The following FBN1 variants were observed in gnomAD, a reference collection of about 807,000 sequenced individuals.
FBN1 encodes the protein fibrillin 1.
FBN1 carries 29 observed loss-of-function variants against 365.1 expected under a neutral mutation model. That is an observed-to-expected ratio of 0.08 (90% CI 0.06 to 0.11). FBN1 has a LOEUF of 0.11. Among genes scored for constraint, FBN1 ranks in the 10% least tolerant of loss-of-function variants. The pLI, the probability that FBN1 is intolerant of heterozygous loss-of-function variation, is 1.00. For missense variants in FBN1, 2,476 were observed against 3,703.2 expected (o/e 0.67, Z 8.60); for synonymous variants, 1,210 against 1,270.5 (o/e 0.95, Z 1.01).
chr15:48,616,283 A>T (rs1566938848), intron 2 of FBN1, among the ~76,000 whole-genome samples: 1 of 152,220 alleles, frequency 6.6e-6, no homozygotes. Flanking sequence ...AATACCTTCA[A>T]ATGACAATGA....
chr15:48,582,880 T>A (rs16961194), intron 6 of FBN1, among the ~76,000 whole-genome samples: 1 of 152,154 alleles, frequency 6.6e-6, no homozygotes, highest in African/African-American at 2.4e-5. Flanking sequence ...TTGAAGGGCA[T>A]TGGAAACCTA....
intron 6 of FBN1, among the ~76,000 whole-genome samples, chr15:48,553,099 C>T (rs937925332): frequency 6.6e-6 from 1 of 152,210 alleles, no homozygotes; most frequent in Non-Finnish European, 1.5e-5. Context: ...CCAGTTCTCA[C>T]TTGTAAGATA....
At chr15:48,435,138 G>A (rs1207340517) in intron 53 of FBN1, among the ~76,000 whole-genome samples, 1 of 152,106 alleles carries the variant, frequency 6.6e-6, no homozygotes, top group Non-Finnish European at 1.5e-5. Flanking sequence ...TTGCAAAAAG[G>A]GAGTGTGCAT....
intron 8 of FBN1, among the ~76,000 whole-genome samples, chr15:48,527,049 C>A (rs2043920879): frequency 6.6e-6 from 1 of 152,226 alleles, no homozygotes; most frequent in Non-Finnish European, 1.5e-5. Flanking sequence ...ACTGAAGGCC[C>A]CTCCGATTCC....
At chr15:48,517,624 T>C (rs1267461200) in intron 10 of FBN1, among the ~76,000 whole-genome samples, 5 of 152,254 alleles carry the variant, frequency 3.3e-5, no homozygotes. Flanking sequence ...TTTTAAGCAG[T>C]ATCCAGGTTT....
chr15:48,465,469 C>A, intron 40 of FBN1, 99 bp downstream of exon 40: 1 of 1,411,962 alleles, frequency 7.1e-7, no homozygotes, highest in Admixed American at 1.7e-5. Flanking sequence ...GAACATTGTG[C>A]TACACTGCTA....
chr15:48,597,028 C>T (rs1289732172), intron 5 of FBN1, among the ~76,000 whole-genome samples: 1 of 152,210 alleles, frequency 6.6e-6, no homozygotes, highest in Non-Finnish European at 1.5e-5. Context: ...GTAACTCGTG[C>T]ATGCATGGGC....
chr15:48,600,902 T>C (rs1424502350), intron 4 of FBN1, among the ~76,000 whole-genome samples: 1 of 152,134 alleles, frequency 6.6e-6, no homozygotes, highest in Non-Finnish European at 1.5e-5. Flanking sequence ...AGATTTAGAA[T>C]CCCAGGTAGA....
At chr15:48,420,890 T>A in intron 62 of FBN1, 84 bp from the exon 63 acceptor site, 1 of 1,427,994 alleles carries the variant, frequency 7.0e-7, no homozygotes, top group East Asian at 2.3e-5. Flanking sequence ...ATCTGGCCCC[T>A]ACACATCCTA....
chr15:48,525,404 A>G (rs2043902066), intron 9 of FBN1, among the ~76,000 whole-genome samples: 1 of 152,140 alleles, frequency 6.6e-6, no homozygotes, highest in Admixed American at 6.5e-5. Context: ...TCTATTTTTT[A>G]AACAATAGAA....
rs73396380 is a variant in FBN1 at position 48,639,622 on chromosome 15, T to C, written c.164+4984A>G. On this transcript the variant is annotated intron_variant, in intron 2 of 65. Coordinates refer to ENST00000316623, the MANE Select transcript of FBN1 (RefSeq NM_000138.5). ...TGATGAGTTAGTGGTAAAATGCTTATAATAGGATTCTTGTCTTCAATGATT... is the reference window on the plus strand; with the variant it reads ...TGATGAGTTAGTGGTAAAATGCTTACAATAGGATTCTTGTCTTCAATGATT... Among the ~76,000 whole-genome samples the C allele has an allele frequency of 7.0e-3, 1,059 of 152,288 alleles. 11 individuals carry two copies. The highest frequency in any genetic ancestry group is 0.025 in the African/African-American group (1,024 of 41,560).
intron 65 of FBN1, 117 bp from the exon 66 acceptor site, chr15:48,411,496 A>G: frequency 1.1e-6 from 1 of 897,734 alleles, no homozygotes; most frequent in South Asian, 1.4e-5. Flanking sequence ...TATGCTGCAT[A>G]CACAATATTG....
chr15:48,566,281 A>C (rs1286890864), intron 6 of FBN1, among the ~76,000 whole-genome samples: 6 of 152,256 alleles, frequency 3.9e-5, no homozygotes, highest in African/African-American at 1.4e-4. Flanking sequence ...TCAGTAAATA[A>C]AATGAAATAT....
At chr15:48,579,120 T>G (rs560182202) in intron 6 of FBN1, among the ~76,000 whole-genome samples, 1 of 151,712 alleles carries the variant, frequency 6.6e-6, no homozygotes, top group African/African-American at 2.4e-5. Context: ...AGCACAGCTT[T>G]GAAAGGAGGG....
intron 43 of FBN1, among the ~76,000 whole-genome samples, chr15:48,457,399 A>C (rs1004173527): frequency 3.3e-5 from 5 of 152,296 alleles, no homozygotes; most frequent in African/African-American, 1.2e-4. Flanking sequence ...AGCACTCTAC[A>C]TGACAGGTAG....
At chr15:48,412,785 G>A (rs759369871) in intron 64 of FBN1, 42 bp from the exon 65 acceptor site, 18 of 1,610,414 alleles carry the variant, frequency 1.1e-5, no homozygotes, top group East Asian at 2.2e-5. Context: ...ATTAGAATGG[G>A]AAGACAAGGT....
Position 48,598,409 on chromosome 15 carries a change from G to A in FBN1, c.442+1730C>T, listed in dbSNP as rs539521522. Among the ~76,000 whole-genome samples, 15 of 152,340 alleles carry A rather than the reference G, an allele frequency of 9.8e-5. No individual in the cohort carries two copies. In the East Asian group the frequency reaches 2.9e-3, roughly 29 times the overall value. On this transcript the variant is annotated intron_variant, in intron 5 of 65. Transcript: ENST00000316623. ...AACTGAAAAGATGTAGGTTATTGAT[G>A]TTGTTAGTGTTGTTTATTGTTGTGG... is the stretch of plus-strand genomic sequence containing the variant.
chr15:48,613,953 C>T (rs1445070129), intron 2 of FBN1, among the ~76,000 whole-genome samples: 1 of 152,142 alleles, frequency 6.6e-6, no homozygotes, highest in East Asian at 1.9e-4. Flanking sequence ...TGGAAACACA[C>T]TTGATAACAG....
chr15:48,471,423 A>G (rs2043376142), intron 35 of FBN1, among the ~76,000 whole-genome samples: 1 of 152,228 alleles, frequency 6.6e-6, no homozygotes, highest in Non-Finnish European at 1.5e-5. Context: ...CAATAAGAGA[A>G]GCAAAACTTT....
Sources: allele counts gnomAD v4.1 joint callset (sites outside exome capture counted in the v4.1 genomes callset), GRCh38; gene constraint gnomAD v4.1.1; transcripts MANE v1.5; gene names NCBI Gene and HGNC (gene_info 2026-07-23, HGNC 2026-07-21).